The following USP37 variants were observed in gnomAD, a reference collection of about 807,000 sequenced individuals.
USP37 encodes the protein ubiquitin specific peptidase 37.
USP37 carries 27 observed loss-of-function variants against 124.0 expected under a neutral mutation model. The observed-to-expected ratio is 0.22, with a 90% confidence interval of 0.16 to 0.30. The LOEUF (loss-of-function observed/expected upper bound fraction) is 0.30. USP37 is among the 10% of genes least tolerant of loss of function. The pLI is 1.00. For missense variants in USP37, 889 were observed against 1,140.4 expected, an observed-to-expected ratio of 0.78 and a Z score of 3.17; for synonymous variants, 365 against 388.0, an observed-to-expected ratio of 0.94 and a Z score of 0.70.
chr2:218,456,294 T>A (rs1374672152), intron 24 of USP37, among the ~76,000 whole-genome samples: 7 of 151,364 alleles, frequency 4.6e-5, no homozygotes, highest in African/African-American at 9.7e-5. Flanking sequence ...ACAAAAAATT[T>A]AAAAAAATTA....
intron 10 of USP37, among the ~76,000 whole-genome samples, chr2:218,526,239 T>A (rs1280592073): frequency 6.6e-6 from 1 of 152,066 alleles, no homozygotes. Flanking sequence ...GTTATTTATT[T>A]ATTTTTTTTT....
chr2:218,459,882 C>A lies in USP37; in HGVS notation c.2551G>T (p.Ala851Ser), dbSNP rs552545298. 6.2e-7 allele frequency: 1 copy of A among 1,613,552 alleles called. No individual in the cohort carries two copies. The highest frequency in any genetic ancestry group is 8.5e-7 in the Non-Finnish European group (1 of 1,179,672). ...LQEFNNSFVD[A>S]LGSDEDSGNE... Reference sequence around the variant, plus strand: ...CCAGAGTCCTCATCAGAACCCAATGCATCCACAAAGGAGTTGTTAAACTCT... The same window carrying A: ...CCAGAGTCCTCATCAGAACCCAATGAATCCACAAAGGAGTTGTTAAACTCT... The change falls in exon 23 of 26, where the codon GCA (alanine) becomes TCA (serine). Residue 851 changes from alanine to serine, a missense_variant. Ala to Ser is a moderately conservative substitution (Grantham distance 99, BLOSUM62 1). Coordinates refer to ENST00000258399, the MANE Select transcript of USP37 (RefSeq NM_020935.3).
Position 218,482,280 on chromosome 2 carries a change from T to A in USP37, c.1671-46A>T, listed in dbSNP as rs186988235. 63 of 1,560,444 alleles carry A rather than the reference T, an allele frequency of 4.0e-5. No individual in the cohort carries two copies. In the East Asian group the frequency reaches 1.0e-3, roughly 26 times the overall value. ...ACCTTACTAATTCATACATAATACA[T>A]GTATCTTTCTTACAGTAAAAGAGAT... On this transcript the variant is annotated intron_variant, in intron 16 of 25. Transcript: ENST00000258399.
rs1689456276 is a variant in USP37 at position 218,450,732 on chromosome 2, T to A, written c.*4198A>T. 1 of 152,232 alleles carries A rather than the reference T, an allele frequency of 6.6e-6. No homozygotes were observed. The allele number at this position is 152,232 out of a possible 1,614,324, so 9.4% of individuals were successfully genotyped here. ...GTTCTGGCATCTGACTGGACCAACC[T>A]GGAACCTGGTCCAGACCCTCACCCA... On this transcript the variant is annotated 3_prime_UTR_variant, in exon 26 of 26. Transcript: ENST00000258399.
chr2:218,482,282 T>C, intron 16 of USP37, 48 bp from the exon 17 acceptor site: 1 of 1,557,152 alleles, frequency 6.4e-7, no homozygotes, highest in South Asian at 1.2e-5. Flanking sequence ...ATAATACATG[T>C]ATCTTTCTTA....
intron 22 of USP37, among the ~76,000 whole-genome samples, chr2:218,460,777 C>A (rs1422719980): frequency 6.6e-6 from 1 of 151,832 alleles, no homozygotes; most frequent in African/African-American, 2.4e-5. Context: ...TCCTTCTCTA[C>A]TAAAAATACA....
chr2:218,553,693 C>T lies in USP37; in HGVS notation c.188G>A (p.Arg63Gln). The T allele has an allele frequency of 1.9e-6, 3 of 1,610,644 alleles. No individual in the cohort carries two copies. Among genetic ancestry groups the T allele is most frequent in the East Asian group, 4.5e-5 (2 of 44,756 alleles). ...GCGGCTTTGTTTCGCTCCACTGGGTCGAAGCACCACATTTTTAATGTTATG... is the reference window on the plus strand; with the variant it reads ...GCGGCTTTGTTTCGCTCCACTGGGTTGAAGCACCACATTTTTAATGTTATG... ...LSHNIKNVVL[R>Q]PSGAKQSRLM... The change falls in exon 5 of 26, where the codon CGA (arginine) becomes CAA (glutamine). Residue 63 changes from arginine to glutamine, a missense_variant. Physicochemically the swap from Arg to Gln is conservative, Grantham distance 43. This residue lies in a region of USP37 where 374 missense variants were observed against 386.0 expected (regional missense o/e 0.97). Coordinates refer to ENST00000258399, the MANE Select transcript of USP37 (RefSeq NM_020935.3).
intron 8 of USP37, among the ~76,000 whole-genome samples, chr2:218,544,241 G>A (rs1444108537): frequency 2.6e-5 from 4 of 151,364 alleles, no homozygotes; most frequent in South Asian, 2.1e-4. Context: ...TTAGCTGGGC[G>A]TGGTGGCACA....
intron 10 of USP37, among the ~76,000 whole-genome samples, chr2:218,520,345 C>CTT (rs542332442): frequency 0.018 from 2,280 of 125,842 alleles, 47 homozygotes; most frequent in Non-Finnish European, 0.027. Flanking sequence ...TTGCCAACAG[C>CTT]TTTTTTTTTT....
chr2:218,495,011 C>T lies in USP37; in HGVS notation c.1472+749G>A, dbSNP rs1284625853. Among the ~76,000 whole-genome samples, 3 of 147,822 alleles carry T rather than the reference C, an allele frequency of 2.0e-5. 1 individual carries two copies. The South Asian group carries it at 6.5e-4, about 32-fold the overall frequency. On this transcript the variant is annotated intron_variant, in intron 14 of 25. Coordinates refer to ENST00000258399, the MANE Select transcript of USP37 (RefSeq NM_020935.3). ...GAAAAACAAGTATTCCCAAACAAATCGATATTCTACAATGGAAAAGATGTA... is the reference window on the plus strand; with the variant it reads ...GAAAAACAAGTATTCCCAAACAAATTGATATTCTACAATGGAAAAGATGTA...
rs554537073 is a variant in USP37, at chr2:218,456,550, G to T, written c.2713+542C>A. Among the ~76,000 whole-genome samples, 87 of 151,892 alleles carry T rather than the reference G, an allele frequency of 5.7e-4. 1 individual carries two copies. Among genetic ancestry groups the T allele is most frequent in the Non-Finnish European group, 9.9e-4 (67 of 67,974 alleles). On this transcript the variant is annotated intron_variant, in intron 24 of 25. Coordinates refer to ENST00000258399, the MANE Select transcript of USP37 (RefSeq NM_020935.3). ...TATGCTACACTGGTACACCATTTTT[G>T]ATTAATGTATTTTGTTCAGGGGAAT...
Position 218,455,034 on chromosome 2 carries a change from CA to C in USP37, c.2853-18del. ...AAGATCTCCCTTAAGATAAAACAAG[CA>C]AAAAATAAAACTGGAAATTTAGTAA... is the stretch of plus-strand genomic sequence containing the variant. On this transcript the variant is annotated intron_variant, in intron 25 of 25. Coordinates refer to ENST00000258399, the MANE Select transcript of USP37 (RefSeq NM_020935.3). The C allele has an allele frequency of 6.2e-7, 1 of 1,607,944 alleles. No homozygotes were observed. The highest frequency in any genetic ancestry group is 8.5e-7 in the Non-Finnish European group (1 of 1,178,768).
rs1036360167 is a variant in USP37 at position 218,451,125 on chromosome 2, A to G, written c.*3805T>C. The G allele has an allele frequency of 2.5e-4, 38 of 152,228 alleles. No homozygotes were observed. The highest frequency in any genetic ancestry group is 8.9e-4 in the African/African-American group (37 of 41,454). 9.4% of individuals were successfully genotyped at this position (152,228 alleles called of 1,614,324 possible). ...AGTAGAGACAAAATTAGGATTTTGA[A>G]GTAATGCAATAAAAAGATGTTGGAG... On this transcript the variant is annotated 3_prime_UTR_variant, in exon 26 of 26. Coordinates refer to ENST00000258399, the MANE Select transcript of USP37 (RefSeq NM_020935.3).
chr2:218,509,257 T>C (rs563621296), intron 11 of USP37, among the ~76,000 whole-genome samples: 6 of 152,244 alleles, frequency 3.9e-5, no homozygotes, highest in Non-Finnish European at 8.8e-5. Flanking sequence ...GCAGCACTAC[T>C]GCCTGGATTT....
intron 6 of USP37, among the ~76,000 whole-genome samples, chr2:218,548,093 G>A (rs1692463712): frequency 6.6e-6 from 1 of 152,130 alleles, no homozygotes; most frequent in African/African-American, 2.4e-5. Flanking sequence ...TCAAATGAGT[G>A]ATATATTCTC....
In USP37 at chr2:218,463,203, C is replaced by T. The variant is rs867090798; in HGVS notation, c.2527+103G>A. On this transcript the variant is annotated intron_variant, in intron 22 of 25. Coordinates refer to ENST00000258399, the MANE Select transcript of USP37 (RefSeq NM_020935.3). The stretch of plus-strand genomic sequence containing the variant: ...ACACACACACACACACACACACACA[C>T]ACACACACACACACACACACACACA... 6.9e-6 allele frequency: 5 copies of T among 721,872 alleles called. No individual in the cohort carries two copies. The East Asian group carries it at 1.6e-4, about 24-fold the overall frequency. 44.7% of individuals were successfully genotyped at this position (721,872 alleles called of 1,614,324 possible).
rs935131555 is a variant in USP37 at position 218,454,599 on chromosome 2, G to A, written c.*331C>T. Reference sequence around the variant, plus strand: ...CTGGTGGCTCATCCTAACTCTTTAAGGCTCCATTCATCCCGTGTGTGTGTG... The same window carrying A: ...CTGGTGGCTCATCCTAACTCTTTAAAGCTCCATTCATCCCGTGTGTGTGTG... On this transcript the variant is annotated 3_prime_UTR_variant, in exon 26 of 26. Transcript: ENST00000258399. 49 of 210,606 alleles carry A rather than the reference G, an allele frequency of 2.3e-4. No homozygotes were observed. The highest frequency in any genetic ancestry group is 9.4e-4 in the Admixed American group (16 of 17,050). The allele number at this position is 210,606 out of a possible 1,614,324, so 13.0% of individuals were successfully genotyped here. A position where few individuals can be genotyped will look rare whatever the true frequency, so the allele number is the denominator to read the frequency against.
chr2:218,558,312 T>C (rs978722440), intron 4 of USP37, among the ~76,000 whole-genome samples, 186 bp downstream of exon 4: 9 of 152,224 alleles, frequency 5.9e-5, no homozygotes, highest in Non-Finnish European at 1.0e-4. Flanking sequence ...GCTTTTATTA[T>C]ATACCAACAA....
intron 11 of USP37, among the ~76,000 whole-genome samples, chr2:218,501,214 T>C (rs1292326103): frequency 6.6e-6 from 1 of 151,856 alleles, no homozygotes; most frequent in African/African-American, 2.4e-5. Flanking sequence ...TAATTTTGTA[T>C]TTTTTTGTAG....
Sources: gnomAD v4.1 joint callset for allele counts (sites outside exome capture counted in the v4.1 genomes callset) on GRCh38, gnomAD v4.1.1 for gene constraint, gnomAD v4.1.1 regional missense constraint, MANE v1.5 for transcripts, NCBI Gene and HGNC (gene_info 2026-07-23, HGNC 2026-07-21) for gene names.